The following CACNA1G variants were observed in gnomAD, a reference collection of about 807,000 sequenced individuals.
The protein encoded by CACNA1G is calcium voltage-gated channel subunit alpha1 G.
In CACNA1G, 67 loss-of-function variants were observed where a neutral mutation model predicts 219.4. The observed-to-expected ratio is 0.31, with a 90% CI of 0.25 to 0.37. The LOEUF (loss-of-function observed/expected upper bound fraction) is 0.37, where lower values mean the gene tolerates loss of function less well. Ranked by LOEUF, CACNA1G falls within the 10% of genes least tolerant of loss-of-function variation. CACNA1G has a pLI of 1.00. For missense variants in CACNA1G, 2,380 were observed against 3,231.4 expected (o/e 0.74, Z 6.39); for synonymous variants, 1,296 against 1,345.3 (o/e 0.96, Z 0.80).
rs747656616 is a variant in CACNA1G at position 50,591,555 on chromosome 17, C to T, written c.2574C>T (p.Leu858=). The part of the protein sequence containing the change: ...LPALQRQLVV[L]MKTMDNVATF... ...CGCTGCAGCGGCAGCTGGTGGTGCTCATGAAGACCATGGACAACGTGGCCA... is the reference window on the plus strand; with the variant it reads ...CGCTGCAGCGGCAGCTGGTGGTGCTTATGAAGACCATGGACAACGTGGCCA... Residue 858 remains leucine (L), a synonymous_variant, in exon 11 of 38, where the codon CTC becomes CTT. Transcript: ENST00000359106. The T allele has an allele frequency of 2.5e-6, 4 of 1,612,954 alleles. No homozygotes were observed. The highest frequency in any genetic ancestry group is 2.5e-6 in the Non-Finnish European group (3 of 1,179,600).
chr17:50,621,943 G>T lies in CACNA1G; in HGVS notation c.6060+149G>T, dbSNP rs2052216171. The T allele has an allele frequency of 3.8e-6, 3 of 791,206 alleles. No homozygotes were observed. Among genetic ancestry groups the T allele is most frequent in the Non-Finnish European group, 4.0e-6 (2 of 500,882 alleles). The allele number at this position is 791,206 out of a possible 1,614,324, so 49.0% of individuals were successfully genotyped here. On this transcript the variant is annotated intron_variant, in intron 35 of 37. Coordinates refer to ENST00000359106, the MANE Select transcript of CACNA1G (RefSeq NM_018896.5). This position sits in a 1 kb window ranked among gnomAD's most constrained non-coding sequence, Gnocchi z 4.6. ...AGAGGCATCAACTGTCAGGACCTCG[G>T]TGGCCCACGCTTTGCTGGCACAAGG...
intron 1 of CACNA1G, among the ~76,000 whole-genome samples, chr17:50,568,273 T>C (rs1312614902): frequency 2.0e-5 from 3 of 152,074 alleles, no homozygotes. Context: ...GAAACCACCG[T>C]CTCATCCTGC....
Position 50,627,130 on chromosome 17 carries a change from T to G in CACNA1G, c.*379T>G, listed in dbSNP as rs755685183. The stretch of plus-strand genomic sequence containing the variant: ...AGACTTGTTTCCTTCTACTTTTATG[T>G]GTCTCAGAATATTTTTGAGGCGAAG... On this transcript the variant is annotated 3_prime_UTR_variant, in exon 38 of 38. Transcript: ENST00000359106. The G allele has an allele frequency of 4.3e-6, 2 of 461,686 alleles. No homozygotes were observed. The highest frequency in any genetic ancestry group is 8.6e-6 in the Non-Finnish European group (2 of 232,114). The allele number at this position is 461,686 out of a possible 1,614,324, so 28.6% of individuals were successfully genotyped here.
chr17:50,626,657 GC>G lies in CACNA1G; in HGVS notation c.7046del (p.Pro2349LeufsTer15). 2 of 1,613,054 alleles carry G rather than the reference GC, an allele frequency of 1.2e-6. No individual in the cohort carries two copies. Among genetic ancestry groups the G allele is most frequent in the Non-Finnish European group, 8.5e-7 (1 of 1,179,780 alleles). The part of the protein sequence containing the change: ...SSDSKDPLAS[G>X]PPDSMAASPS... ...GACTCCAAGGATCCCTTGGCCTCTG[GC>G]CCCCCTGACAGCATGGCTGCCTCGC... On this transcript the variant is annotated frameshift_variant, in exon 38 of 38. Coordinates refer to ENST00000359106, the MANE Select transcript of CACNA1G (RefSeq NM_018896.5). LOFTEE classifies it high-confidence loss of function. This position sits in a 1 kb window ranked among gnomAD's most constrained non-coding sequence, Gnocchi z 4.3.
In CACNA1G at chr17:50,624,481, G is replaced by A. The variant is rs565309516; in HGVS notation, c.6351G>A (p.Leu2117=). ...CAACCTGGGGCACCATCCCCAAACT[G>A]CCCCCACCAGGACGCTCCCCTTTGG... The part of the protein sequence containing the change: ...SAPTWGTIPK[L]PPPGRSPLAQ... The change falls in exon 37 of 38, where the codon CTG becomes CTA. Residue 2117 remains leucine (L), a synonymous_variant. Transcript: ENST00000359106. 3 of 1,600,712 alleles carry A rather than the reference G, an allele frequency of 1.9e-6. No individual in the cohort carries two copies. The highest frequency in any genetic ancestry group is 1.7e-5 in the Admixed American group (1 of 58,808).
chr17:50,617,663 C>T lies in CACNA1G; in HGVS notation c.5155+92C>T, dbSNP rs115839598. On this transcript the variant is annotated intron_variant, in intron 29 of 37. Coordinates refer to ENST00000359106, the MANE Select transcript of CACNA1G (RefSeq NM_018896.5). This position sits in a 1 kb window ranked among gnomAD's most constrained non-coding sequence, Gnocchi z 5.8. ...GCTTTGTGGCTGGTCAAGGCCTGGG[C>T]GGCTGTGGGTTCCCATGGGTCTTTC... The T allele has an allele frequency of 2.6e-3, 3,930 of 1,509,116 alleles. 93 individuals are homozygous for T. In the African/African-American group the frequency reaches 0.049, roughly 19 times the overall value. The allele number at this position is 1,509,116 out of a possible 1,614,324, so 93.5% of individuals were successfully genotyped here.
chr17:50,579,891 A>C (rs1443844835), intron 9 of CACNA1G, among the ~76,000 whole-genome samples: 1 of 152,126 alleles, frequency 6.6e-6, no homozygotes, highest in Non-Finnish European at 1.5e-5. Flanking sequence ...GGCACAGGTC[A>C]AGCCGGGTCT....
chr17:50,590,747 C>T (rs546886456), intron 10 of CACNA1G, 125 bp downstream of exon 10: 11 of 782,088 alleles, frequency 1.4e-5, no homozygotes, highest in South Asian at 1.8e-5. Flanking sequence ...ACTGACCCCA[C>T]AGGACCTGCC....
Position 50,615,411 on chromosome 17 carries a change from G to A in CACNA1G, c.4810G>A (p.Val1604Ile), listed in dbSNP as rs1177958111. 12 of 1,612,260 alleles carry A rather than the reference G, an allele frequency of 7.4e-6. No homozygotes were observed. The highest frequency in any genetic ancestry group is 1.6e-4 in the Middle Eastern group (1 of 6,080). Residue 1604 changes from valine to isoleucine, a missense_variant, in exon 27 of 38, where the codon GTC (valine) becomes ATC (isoleucine). Coordinates refer to ENST00000359106, the MANE Select transcript of CACNA1G (RefSeq NM_018896.5). ...YSDYSRFRLL[V>I]HHLCTSHYLD... The stretch of plus-strand genomic sequence containing the variant: ...CGACTACTCCCGCTTCCGGCTCCTC[G>A]TCCACCACTTGTGCACCAGCCACTA...
rs370466206 is a variant in CACNA1G at position 50,621,823 on chromosome 17, G to A, written c.6060+29G>A. The A allele has an allele frequency of 2.5e-5, 40 of 1,610,978 alleles. No homozygotes were observed. The highest frequency in any genetic ancestry group is 4.5e-5 in the East Asian group (2 of 44,850). On this transcript the variant is annotated intron_variant, in intron 35 of 37. Coordinates refer to ENST00000359106, the MANE Select transcript of CACNA1G (RefSeq NM_018896.5). This position sits in a 1 kb window ranked among gnomAD's most constrained non-coding sequence, Gnocchi z 4.6. ...CATACACACTGCCCTCACTGCTCCC[G>A]GCCACCCCCGGGGCTGGACTGGCTG...
intron 26 of CACNA1G, among the ~76,000 whole-genome samples, chr17:50,613,419 C>A (rs1171661463): frequency 2.6e-5 from 4 of 152,130 alleles, no homozygotes; most frequent in African/African-American, 7.2e-5. Flanking sequence ...TCCTGCCCCG[C>A]CTTCCTTCTG....
chr17:50,568,901 C>A lies in CACNA1G; in HGVS notation c.274C>A (p.Leu92Ile). 1 of 1,613,728 alleles carries A rather than the reference C, an allele frequency of 6.2e-7. No homozygotes were observed. The highest frequency in any genetic ancestry group is 8.5e-7 in the Non-Finnish European group (1 of 1,179,876). Residue 92 changes from leucine (L) to isoleucine (I), a missense_variant, in exon 2 of 38, where the codon CTT becomes ATT. Physicochemically the swap from Leu to Ile is conservative, Grantham distance 5. Transcript: ENST00000359106. ...WFERISMLVI[L>I]LNCVTLGMFR... ...TGAGCGCATCAGCATGTTGGTCATCCTTCTCAACTGCGTGACCCTGGGCAT... is the reference window on the plus strand; with the variant it reads ...TGAGCGCATCAGCATGTTGGTCATCATTCTCAACTGCGTGACCCTGGGCAT...
chr17:50,567,174 C>T (rs2038122191), intron 1 of CACNA1G, among the ~76,000 whole-genome samples: 1 of 152,242 alleles, frequency 6.6e-6, no homozygotes, highest in Admixed American at 6.5e-5. Context: ...AAAAACAATT[C>T]CGTGGAAACA....
chr17:50,605,784 G>C (rs977020740), intron 22 of CACNA1G, 114 bp from the exon 23 acceptor site: 4 of 1,115,126 alleles, frequency 3.6e-6, no homozygotes, highest in Non-Finnish European at 5.3e-6. Flanking sequence ...CCAGAGCAGA[G>C]CACCCCACAC....
chr17:50,599,189 T>G (rs2046131124), intron 16 of CACNA1G, among the ~76,000 whole-genome samples: 1 of 152,236 alleles, frequency 6.6e-6, no homozygotes. Context: ...TGAGCTCTAT[T>G]GCCATATCTA....
rs1396349871 is a variant in CACNA1G, at chr17:50,607,755, G to A, written c.4513-72G>A. 5.1e-6 allele frequency: 7 copies of A among 1,362,920 alleles called. No homozygotes were observed. In the African/African-American group the frequency reaches 5.7e-5, roughly 11 times the overall value. The allele number at this position is 1,362,920 out of a possible 1,614,324, so 84.4% of individuals were successfully genotyped here. A position where few individuals can be genotyped will look rare whatever the true frequency, so the allele number is the denominator to read the frequency against. ...AGCTATTTGGGTTCGCAGGAACCCAGGCTGTGGGCAGCTCCTAAGACAGCT... is the reference window on the plus strand; with the variant it reads ...AGCTATTTGGGTTCGCAGGAACCCAAGCTGTGGGCAGCTCCTAAGACAGCT... On this transcript the variant is annotated intron_variant, in intron 24 of 37. Coordinates refer to ENST00000359106, the MANE Select transcript of CACNA1G (RefSeq NM_018896.5).
chr17:50,581,130 G>A (rs1046355630), intron 9 of CACNA1G, among the ~76,000 whole-genome samples: 3 of 151,910 alleles, frequency 2.0e-5, no homozygotes, highest in Admixed American at 6.6e-5. Context: ...GAGACGCGCA[G>A]GCAGGGGAGA....
rs772685782 is a variant in CACNA1G at position 50,591,539 on chromosome 17, G to A, written c.2558G>A (p.Arg853Gln). Reference protein sequence around the residue: ...KLVRFLPALQRQLVVLMKTMD... With the variant: ...KLVRFLPALQQQLVVLMKTMD... Reference sequence around the variant, plus strand: ...GTGCGCTTCCTGCCGGCGCTGCAGCGGCAGCTGGTGGTGCTCATGAAGACC... The same window carrying A: ...GTGCGCTTCCTGCCGGCGCTGCAGCAGCAGCTGGTGGTGCTCATGAAGACC... Residue 853 changes from arginine to glutamine, a missense_variant, in exon 11 of 38, where the codon CGG (arginine) becomes CAG (glutamine). This residue lies in a region of CACNA1G where 82 missense variants were observed against 140.7 expected (regional missense o/e 0.58). Coordinates refer to ENST00000359106, the MANE Select transcript of CACNA1G (RefSeq NM_018896.5). 6.2e-6 allele frequency: 10 copies of A among 1,612,162 alleles called. No individual in the cohort carries two copies. Among genetic ancestry groups the A allele is most frequent in the Admixed American group, 3.3e-5 (2 of 59,764 alleles).
At chr17:50,612,034 A>G (rs1017914737) in intron 26 of CACNA1G, among the ~76,000 whole-genome samples, 1 of 152,356 alleles carries the variant, frequency 6.6e-6, no homozygotes, top group Admixed American at 6.5e-5. Context: ...CCCATATCCC[A>G]CTTCCTAGGA....
Sources: allele counts gnomAD v4.1 joint callset (sites outside exome capture counted in the v4.1 genomes callset), GRCh38; gene constraint gnomAD v4.1.1; regional missense constraint gnomAD v4.1.1; non-coding constraint Gnocchi (gnomAD v3.1); transcripts MANE v1.5; gene names NCBI Gene and HGNC (gene_info 2026-07-23, HGNC 2026-07-21).